Variants in ATP11A observed in about 807,000 individuals in gnomAD.
ATP11A encodes phospholipid-transporting ATPase IH.
In ATP11A, 81 loss-of-function variants were observed where a neutral mutation model predicts 154.4. The ratio of observed to expected loss-of-function variants is 0.52; its 90% CI spans 0.44 to 0.63. ATP11A has a LOEUF of 0.63. Among genes scored for constraint, ATP11A ranks in the 30% least tolerant of loss-of-function variants. The pLI, the probability that ATP11A is intolerant of heterozygous loss-of-function variation, is 0.00. For synonymous variants in ATP11A, 623 were observed against 585.9 expected, an observed-to-expected ratio of 1.06 and a Z score of -0.91; for missense variants, 1,316 against 1,474.3, an observed-to-expected ratio of 0.89 and a Z score of 1.76.
chr13:112,860,452 G>A, intron 24 of ATP11A, 38 bp downstream of exon 24: 1 of 1,612,124 alleles, frequency 6.2e-7, no homozygotes, highest in African/African-American at 1.3e-5. Context: ...AGAGCAGAGA[G>A]AGTAACTAGG....
rs1370829127 is a variant in ATP11A, at chr13:112,862,516, G to A, written c.2932G>A (p.Val978Met). The part of the protein sequence containing the change: ...WTLLGLFDAL[V>M]FFFGAYFVFE... ...GCTCCTGGGACTGTTTGACGCACTG[G>A]TGTTCTTCTTTGGTGCTTATTTCGT... The change falls in exon 25 of 30, where the codon GTG becomes ATG. Residue 978 changes from valine to methionine, a missense_variant. Coordinates refer to ENST00000375645, the MANE Select transcript of ATP11A (RefSeq NM_015205.3). The A allele has an allele frequency of 6.2e-7, 1 of 1,614,202 alleles. No homozygotes were observed. The highest frequency in any genetic ancestry group is 1.7e-5 in the Admixed American group (1 of 60,020).
intron 5 of ATP11A, among the ~76,000 whole-genome samples, chr13:112,811,161 A>AACACACACACACAC (rs10695491): frequency 0.026 from 3,033 of 115,556 alleles, 135 homozygotes; most frequent in African/African-American, 0.038. Flanking sequence ...TGCCCCTTCC[A>AACACACACACACAC]ACACACACAC....
chr13:112,737,848 C>T (rs1566405542), intron 1 of ATP11A, among the ~76,000 whole-genome samples: 1 of 152,188 alleles, frequency 6.6e-6, no homozygotes, highest in Non-Finnish European at 1.5e-5. Flanking sequence ...CAGCCTGGTC[C>T]TGTGCCTCCA....
At chr13:112,780,837 A>T (rs1253073731) in intron 1 of ATP11A, among the ~76,000 whole-genome samples, 1 of 152,076 alleles carries the variant, frequency 6.6e-6, no homozygotes, top group Non-Finnish European at 1.5e-5. Context: ...TGCTTTGCTG[A>T]TGGAAGCCTC....
At chr13:112,771,831 C>A (rs1032568979) in intron 1 of ATP11A, among the ~76,000 whole-genome samples, 2 of 152,184 alleles carry the variant, frequency 1.3e-5, no homozygotes, top group Non-Finnish European at 2.9e-5. Flanking sequence ...CACTCCACAA[C>A]AAACAAAGTA....
rs914908584 is a variant in ATP11A, at chr13:112,875,970, G to T, written c.3327+29G>T. 6.9e-6 allele frequency: 11 copies of T among 1,594,800 alleles called. No individual in the cohort carries two copies. Among genetic ancestry groups the T allele is most frequent in the Non-Finnish European group, 9.4e-6 (11 of 1,172,996 alleles). ...CGGAGTGTCCCCAGCCGGGGCGGGG[G>T]TGCCTCAGGGCCCTGGCCTTAGGAT... On this transcript the variant is annotated intron_variant, in intron 28 of 29. Transcript: ENST00000375645. This position sits in a 1 kb window ranked among gnomAD's most constrained non-coding sequence, Gnocchi z 4.1.
In ATP11A at chr13:112,872,253, A is replaced by G. The variant is rs74574944; in HGVS notation, c.3057+453A>G. 8.3e-3 allele frequency among the ~76,000 whole-genome samples: 1,270 copies of G among 152,374 alleles called. 40 individuals are homozygous for G. The highest frequency in any genetic ancestry group is 0.083 in the East Asian group (430 of 5,186). ...AAACCTATCAGACTGAGTCTTAAAA[A>G]GTGATACCAAAACATTCCTAAGGTG... is the stretch of plus-strand genomic sequence containing the variant. On this transcript the variant is annotated intron_variant, in intron 26 of 29. Transcript: ENST00000375645.
chr13:112,747,895 AG>A (rs1892366648), intron 1 of ATP11A, among the ~76,000 whole-genome samples: 1 of 152,186 alleles, frequency 6.6e-6, no homozygotes, highest in Admixed American at 6.5e-5. Context: ...AGAAAGGGTA[AG>A]GCAAAATTGA....
At position 112,697,108 on chromosome 13, in the gene ATP11A, G is replaced by A. The variant is rs1814691844; in HGVS notation, c.39+6653G>A. 6.6e-6 allele frequency among the ~76,000 whole-genome samples: 1 copy of A among 152,136 alleles called. No homozygotes were observed. Among genetic ancestry groups the A allele is most frequent in the African/African-American group, 2.4e-5 (1 of 41,440 alleles). Reference sequence around the variant, plus strand: ...GCCTGCGTGTCCAGCCTGAGGGGCGGCCCACGCAGCAGCCTCTGGGAGCCC... The same window carrying A: ...GCCTGCGTGTCCAGCCTGAGGGGCGACCCACGCAGCAGCCTCTGGGAGCCC... On this transcript the variant is annotated intron_variant, in intron 1 of 29. Coordinates refer to ENST00000375645, the MANE Select transcript of ATP11A (RefSeq NM_015205.3). The surrounding 1 kb of genome is among the most constrained non-coding windows in gnomAD (Gnocchi z 4.0).
intron 1 of ATP11A, among the ~76,000 whole-genome samples, chr13:112,761,426 A>G (rs1288756851): frequency 6.6e-6 from 1 of 152,192 alleles, no homozygotes; most frequent in Non-Finnish European, 1.5e-5. Flanking sequence ...TAATTGTTCT[A>G]TTTTATTATT....
At chr13:112,834,185 G>T (rs2079171248) in intron 14 of ATP11A, among the ~76,000 whole-genome samples, 1 of 152,218 alleles carries the variant, frequency 6.6e-6, no homozygotes, top group African/African-American at 2.4e-5. Context: ...TTGGTGTGGG[G>T]GTAACAGCCT....
At chr13:112,774,890 G>A (rs540742050) in intron 1 of ATP11A, among the ~76,000 whole-genome samples, 8 of 152,354 alleles carry the variant, frequency 5.3e-5, no homozygotes, top group South Asian at 2.1e-4. Flanking sequence ...CGTCGTTGGC[G>A]TGCGAGGCTG....
At chr13:112,804,859 T>C (rs1566506621) in intron 2 of ATP11A, 98 bp from the exon 3 acceptor site, 5 of 647,442 alleles carry the variant, frequency 7.7e-6, no homozygotes, top group Non-Finnish European at 1.3e-5. Flanking sequence ...CTAAACATTT[T>C]GTACTGTAAA....
chr13:112,713,242 A>G (rs886950470), intron 1 of ATP11A, among the ~76,000 whole-genome samples: 5 of 152,180 alleles, frequency 3.3e-5, no homozygotes, highest in African/African-American at 1.2e-4. Context: ...TAAAAATACA[A>G]AAATTTGCTG....
In ATP11A at chr13:112,819,953, G is replaced by A. The variant is rs933747104; in HGVS notation, c.725+3G>A. On this transcript the variant is annotated splice_donor_region_variant and intron_variant, in intron 8 of 29. Transcript: ENST00000375645. ...GACCTGAATGACCCCGTGGTGAGGT[G>A]AGTGCCTCTGCGGATGCCTTGGCCA... 2 of 1,598,848 alleles carry A rather than the reference G, an allele frequency of 1.3e-6. No individual in the cohort carries two copies. Among genetic ancestry groups the A allele is most frequent in the Non-Finnish European group, 8.5e-7 (1 of 1,172,514 alleles).
chr13:112,810,199 G>A (rs538773435), intron 4 of ATP11A, among the ~76,000 whole-genome samples: 1 of 152,344 alleles, frequency 6.6e-6, no homozygotes, highest in East Asian at 1.9e-4. Flanking sequence ...CTCAGCGGGT[G>A]GAAATGTAAC....
chr13:112,877,341 G>T (rs2080759969), intron 28 of ATP11A, among the ~76,000 whole-genome samples: 2 of 152,258 alleles, frequency 1.3e-5, no homozygotes, highest in African/African-American at 4.8e-5. Context: ...CAGCTGTCCA[G>T]TGGTGGTTTT....
rs373353690 is a variant in ATP11A at position 112,875,753 on chromosome 13, G to A, written c.3162-23G>A. 327 of 1,608,456 alleles carry A rather than the reference G, an allele frequency of 2.0e-4. 1 individual carries two copies. The African/African-American group carries it at 3.6e-3, about 18-fold the overall frequency. ...CCCAGGGAGTACATGCCTCACCAGC[G>A]GCTTCTCTTCCCTGCCCCTCAGGCC... On this transcript the variant is annotated intron_variant, in intron 27 of 29. Coordinates refer to ENST00000375645, the MANE Select transcript of ATP11A (RefSeq NM_015205.3). This position sits in a 1 kb window ranked among gnomAD's most constrained non-coding sequence, Gnocchi z 4.1.
At chr13:112,879,235 G>C (rs1432143409) in intron 29 of ATP11A, among the ~76,000 whole-genome samples, 2 of 152,212 alleles carry the variant, frequency 1.3e-5, no homozygotes, top group African/African-American at 4.8e-5. Flanking sequence ...GCAGAAAAAG[G>C]CTTCTTTTCC....
Sources: allele counts gnomAD v4.1 joint callset (sites outside exome capture counted in the v4.1 genomes callset), GRCh38; gene constraint gnomAD v4.1.1; non-coding constraint Gnocchi (gnomAD v3.1); transcripts MANE v1.5; gene names NCBI Gene and HGNC (gene_info 2026-07-23, HGNC 2026-07-21).